The following PCDHGA1 variants were observed in gnomAD, a reference collection of about 807,000 sequenced individuals.
PCDHGA1 encodes the protein protocadherin gamma subfamily A, 1, also known as protocadherin gamma-A1.
PCDHGA1 carries 32 observed loss-of-function variants against 58.0 expected under a neutral mutation model. That is an observed-to-expected ratio of 0.55 (90% CI 0.42 to 0.74). PCDHGA1 has a LOEUF of 0.74. Among genes scored for constraint, PCDHGA1 ranks in the 30% least tolerant of loss-of-function variants. PCDHGA1 has a pLI of 0.00. For synonymous variants in PCDHGA1, 498 were observed against 501.1 expected (o/e 0.99, Z 0.08); for missense variants, 1,205 against 1,182.3 (o/e 1.02, Z -0.28).
intron 1 of PCDHGA1, chr5:141,372,091 C>T (rs767361394): frequency 1.2e-6 from 2 of 1,613,774 alleles, no homozygotes; most frequent in South Asian, 2.2e-5. Flanking sequence ...CTGTACCCAG[C>T]TCTGGGGCCC....
At chr5:141,412,300 A>T (rs1422841541) in intron 1 of PCDHGA1, 2 of 152,248 alleles carry the variant, frequency 1.3e-5, no homozygotes, top group Non-Finnish European at 2.9e-5. Context: ...TTCTTTTCTC[A>T]TTACAATGCA....
intron 1 of PCDHGA1, chr5:141,393,190 T>C: frequency 6.2e-7 from 1 of 1,613,384 alleles, no homozygotes; most frequent in Non-Finnish European, 8.5e-7. Flanking sequence ...ATAATTGATA[T>C]TAACGATAAT....
intron 1 of PCDHGA1, chr5:141,427,017 TAC>T (rs764268354): frequency 2.2e-5 from 10 of 456,792 alleles, no homozygotes; most frequent in South Asian, 1.4e-4. Context: ...CCAGGATGTA[TAC>T]AAAGTCAGCC....
chr5:141,411,237 T>C (rs1472710660), intron 1 of PCDHGA1: 1 of 152,116 alleles, frequency 6.6e-6, no homozygotes, highest in Non-Finnish European at 1.5e-5. Flanking sequence ...GAAGACTTAG[T>C]GAATTTACGA....
At chr5:141,415,454 A>G (rs899212436) in intron 1 of PCDHGA1, 2 of 1,614,162 alleles carry the variant, frequency 1.2e-6, no homozygotes, top group Non-Finnish European at 8.5e-7. Flanking sequence ...TATTCCCACG[A>G]GGTCTCTCTC....
rs1231167998 is a variant in PCDHGA1, at chr5:141,399,197, T to C, written c.2421+66092T>C. 1.9e-6 allele frequency: 3 copies of C among 1,613,808 alleles called. No individual in the cohort carries two copies. In the African/African-American group the frequency reaches 4.0e-5, roughly 22 times the overall value. On this transcript the variant is annotated intron_variant, in intron 1 of 3. Transcript: ENST00000517417. ...CTTGAAATGATTCTGGAAAACGCGGTGCCTGGAACACTAATTGCTTTGATC... is the reference window on the plus strand; with the variant it reads ...CTTGAAATGATTCTGGAAAACGCGGCGCCTGGAACACTAATTGCTTTGATC...
chr5:141,374,711 C>G (rs1770761999), intron 1 of PCDHGA1: 7 of 1,609,366 alleles, frequency 4.3e-6, no homozygotes, highest in Non-Finnish European at 5.1e-6. Flanking sequence ...CGTTTACCGC[C>G]TGGTCCTTAC....
chr5:141,404,501 C>T, intron 1 of PCDHGA1: 2 of 1,613,792 alleles, frequency 1.2e-6, no homozygotes, highest in Non-Finnish European at 1.7e-6. Context: ...GCTGTATGCT[C>T]TGTGCTCCTT....
chr5:141,345,968 C>G (rs1264605994), intron 1 of PCDHGA1: 10 of 1,613,526 alleles, frequency 6.2e-6, no homozygotes, highest in Non-Finnish European at 8.5e-6. Context: ...TCGTGGTGGC[C>G]GTCCAGGACC....
At chr5:141,410,260 T>C in intron 1 of PCDHGA1, 1 of 1,614,054 alleles carries the variant, frequency 6.2e-7, no homozygotes, top group Non-Finnish European at 8.5e-7. Context: ...ACCCCCAGGC[T>C]GAACTGCAGT....
At chr5:141,387,282 A>C (rs578102496) in intron 1 of PCDHGA1, among the ~76,000 whole-genome samples, 59 of 152,340 alleles carry the variant, frequency 3.9e-4, no homozygotes, top group Admixed American at 2.0e-3. Context: ...CAATGAAAGA[A>C]AGATAAAATG....
chr5:141,369,246 A>G (rs1035336537), intron 1 of PCDHGA1, among the ~76,000 whole-genome samples: 3 of 152,210 alleles, frequency 2.0e-5, no homozygotes, highest in Non-Finnish European at 4.4e-5. Flanking sequence ...TTATATAATT[A>G]AATAATATAA....
chr5:141,485,797 C>T lies in PCDHGA1; in HGVS notation c.2422-9010C>T. 1 of 1,614,228 alleles carries T rather than the reference C, an allele frequency of 6.2e-7. No homozygotes were observed. Among genetic ancestry groups the T allele is most frequent in the South Asian group, 1.1e-5 (1 of 91,092 alleles). On this transcript the variant is annotated intron_variant, in intron 1 of 3. Coordinates refer to ENST00000517417, the MANE Select transcript of PCDHGA1 (RefSeq NM_018912.3). This position sits in a 1 kb window ranked among gnomAD's most constrained non-coding sequence, Gnocchi z 5.7. ...TGGATCGAGAGAAGCAATCGGACTACCGCCTGGTGCTGACTGCTGTCGATG... is the reference window on the plus strand; with the variant it reads ...TGGATCGAGAGAAGCAATCGGACTATCGCCTGGTGCTGACTGCTGTCGATG...
chr5:141,384,248 C>T (rs1443335110), intron 1 of PCDHGA1: 2 of 1,613,866 alleles, frequency 1.2e-6, no homozygotes, highest in South Asian at 2.2e-5. Flanking sequence ...GATAACCCAC[C>T]CACCTTCCCC....
At chr5:141,386,815 T>G (rs1043016890) in intron 1 of PCDHGA1, among the ~76,000 whole-genome samples, 22 of 152,220 alleles carry the variant, frequency 1.4e-4, no homozygotes, top group African/African-American at 4.8e-4. Context: ...TGCATAAAAT[T>G]GTTTTTAAGC....
chr5:141,331,355 G>A lies in PCDHGA1; in HGVS notation c.671G>A (p.Gly224Glu). The part of the protein sequence containing the change: ...ASDGGEPVRS[G>E]TLRIYIQVVD... ...GATGGGGGTGAACCAGTCCGTTCAG[G>A]GACCCTCAGAATTTACATTCAGGTG... The change falls in exon 1 of 4, where the codon GGG becomes GAG. Residue 224 changes from glycine (G) to glutamate (E), a missense_variant. By Grantham distance (98) the Gly-to-Glu change is moderately conservative (BLOSUM62 -2). Coordinates refer to ENST00000517417, the MANE Select transcript of PCDHGA1 (RefSeq NM_018912.3). The A allele has an allele frequency of 6.2e-7, 1 of 1,614,124 alleles. No homozygotes were observed. The highest frequency in any genetic ancestry group is 1.7e-5 in the Admixed American group (1 of 60,024).
intron 1 of PCDHGA1, chr5:141,479,325 A>C (rs2099492835): frequency 6.6e-6 from 1 of 152,648 alleles, no homozygotes; most frequent in South Asian, 2.1e-4. Context: ...AGCCAGACTC[A>C]GTGGTGTGCA....
At chr5:141,506,213 A>G (rs2154593866) in intron 3 of PCDHGA1, among the ~76,000 whole-genome samples, 1 of 152,204 alleles carries the variant, frequency 6.6e-6, no homozygotes, top group South Asian at 2.1e-4. Flanking sequence ...CACTTTGGGA[A>G]GCTGAGGCAG....
chr5:141,347,451 G>A (rs961019414), intron 1 of PCDHGA1, among the ~76,000 whole-genome samples: 1 of 151,988 alleles, frequency 6.6e-6, no homozygotes, highest in African/African-American at 2.4e-5. Context: ...CACCATGCCT[G>A]GCCTGTTATT....
Sources: gnomAD v4.1 joint callset for allele counts (sites outside exome capture counted in the v4.1 genomes callset) on GRCh38, gnomAD v4.1.1 for gene constraint, Gnocchi (gnomAD v3.1) non-coding constraint, MANE v1.5 for transcripts, NCBI Gene and HGNC (gene_info 2026-07-23, HGNC 2026-07-21) for gene names.